Variants in TPRG1 observed in about 807,000 individuals in gnomAD.
TPRG1 encodes the protein tumor protein p63-regulated gene 1 protein.
A neutral mutation model predicts 29.3 loss-of-function variants in TPRG1; 29 were observed. That is an observed-to-expected ratio of 0.99 (90% confidence interval 0.74 to 1.35). TPRG1 has a LOEUF of 1.35. Ranked by LOEUF, TPRG1 falls within the 40% of genes most tolerant of loss-of-function variation. The pLI, the probability that TPRG1 is intolerant of heterozygous loss-of-function variation, is 0.00. For missense variants in TPRG1, 327 were observed against 335.0 expected, an observed-to-expected ratio of 0.98 and a Z score of 0.19; for synonymous variants, 130 against 116.8, an observed-to-expected ratio of 1.11 and a Z score of -0.73.
intron 4 of TPRG1, among the ~76,000 whole-genome samples, chr3:189,249,897 G>A (rs1741897943): frequency 6.6e-6 from 1 of 151,792 alleles, no homozygotes; most frequent in Admixed American, 6.6e-5. Context: ...TACTTTAATG[G>A]TTATTTATTT....
Position 189,159,644 on chromosome 3 carries a change from A to C in TPRG1, c.-10+8772A>C, listed in dbSNP as rs1225733940. 2.0e-5 allele frequency among the ~76,000 whole-genome samples: 3 copies of C among 152,288 alleles called. No homozygotes were observed. In the East Asian group the frequency reaches 5.8e-4, roughly 29 times the overall value. On this transcript the variant is annotated intron_variant, in intron 5 of 6. Coordinates refer to the TPRG1 transcript ENST00000412373. ...CAATCTGAAGTCAGCCAGGAGTCCC[A>C]AACTGGAATGATCTGATTTCAGTGG...
chr3:189,004,648 A>G (rs553715487), exon 3 of TPRG1: 3 of 152,270 alleles, frequency 2.0e-5, no homozygotes, highest in African/African-American at 7.2e-5. Flanking sequence ...AACCCTTCGC[A>G]AACCTGCTCT....
intron 3 of TPRG1, among the ~76,000 whole-genome samples, chr3:189,225,345 C>G (rs1737569162): frequency 6.6e-6 from 1 of 152,132 alleles, no homozygotes; most frequent in Non-Finnish European, 1.5e-5. Context: ...TATTTTAGAA[C>G]TTGTTTAATA....
intron 4 of TPRG1, among the ~76,000 whole-genome samples, chr3:189,287,942 A>G (rs1388676139): frequency 1.3e-5 from 2 of 152,026 alleles, no homozygotes; most frequent in Non-Finnish European, 2.9e-5. Flanking sequence ...TTATCACCCA[A>G]CTTTAAAATT....
intron 1 of TPRG1, among the ~76,000 whole-genome samples, chr3:189,186,501 A>G (rs1374338802): frequency 6.6e-6 from 1 of 152,204 alleles, no homozygotes; most frequent in East Asian, 1.9e-4. Flanking sequence ...TTAAAGACGC[A>G]ATTTTCTGCA....
At chr3:189,077,299 C>A (rs189641229) in intron 4 of TPRG1, among the ~76,000 whole-genome samples, 9 of 152,202 alleles carry the variant, frequency 5.9e-5, no homozygotes, top group East Asian at 1.9e-4. Flanking sequence ...TTACACATAA[C>A]AACGTGGATC....
At chr3:189,262,316 G>C (rs756571264) in intron 4 of TPRG1, among the ~76,000 whole-genome samples, 4 of 151,878 alleles carry the variant, frequency 2.6e-5, no homozygotes, top group Non-Finnish European at 5.9e-5. Flanking sequence ...GGTTTTTTCT[G>C]GTGTGGGAGA....
At chr3:189,207,347 T>G (rs1734551823) in intron 1 of TPRG1, 29 bp from the exon 2 acceptor site, 3 of 1,612,378 alleles carry the variant, frequency 1.9e-6, no homozygotes, top group Non-Finnish European at 2.5e-6. Flanking sequence ...TAACATTTTT[T>G]CAATGAGATT....
chr3:189,028,546 A>T (rs925435615), intron 4 of TPRG1, among the ~76,000 whole-genome samples: 1 of 152,220 alleles, frequency 6.6e-6, no homozygotes, highest in Non-Finnish European at 1.5e-5. Context: ...AACAGATAAG[A>T]AAACAAAGAA....
intron 5 of TPRG1, among the ~76,000 whole-genome samples, chr3:189,160,444 A>G (rs1475475877): frequency 1.3e-5 from 2 of 152,168 alleles, no homozygotes; most frequent in African/African-American, 4.8e-5. Flanking sequence ...GTGCTGTTGT[A>G]ATTTTCTTTA....
At chr3:189,051,600 A>C (rs1715324236) in intron 4 of TPRG1, among the ~76,000 whole-genome samples, 2 of 152,184 alleles carry the variant, frequency 1.3e-5, no homozygotes, top group Admixed American at 6.5e-5. Flanking sequence ...AAAATTCTAA[A>C]ATTTATATGG....
chr3:189,111,167 A>G (rs1270874819), intron 1 of TPRG1, among the ~76,000 whole-genome samples: 1 of 151,934 alleles, frequency 6.6e-6, no homozygotes, highest in Non-Finnish European at 1.5e-5. Context: ...AATTTGGGGG[A>G]AATTAACATA....
chr3:189,250,580 T>G (rs960104925), intron 4 of TPRG1, among the ~76,000 whole-genome samples: 3 of 144,268 alleles, frequency 2.1e-5, no homozygotes, highest in African/African-American at 7.7e-5. Context: ...TATCTTTACT[T>G]CTAACTTATT....
At chr3:189,188,893 A>G (rs559855359) in intron 1 of TPRG1, among the ~76,000 whole-genome samples, 1 of 152,352 alleles carries the variant, frequency 6.6e-6, no homozygotes, top group South Asian at 2.1e-4. Flanking sequence ...CGTACAGAAA[A>G]TAGTCTCTAT....
intron 1 of TPRG1, among the ~76,000 whole-genome samples, chr3:189,199,407 A>G (rs1220813307): frequency 6.6e-6 from 1 of 152,222 alleles, no homozygotes; most frequent in African/African-American, 2.4e-5. Context: ...AATTTAGTCC[A>G]ACAGTTTTCA....
intron 1 of TPRG1, among the ~76,000 whole-genome samples, chr3:189,197,875 C>A (rs1033771988): frequency 3.3e-5 from 5 of 152,102 alleles, no homozygotes; most frequent in Admixed American, 2.0e-4. Flanking sequence ...TGTGACAAAC[C>A]TCCCCATGAC....
At chr3:189,187,824 C>T (rs1006327675) in intron 1 of TPRG1, among the ~76,000 whole-genome samples, 6 of 152,198 alleles carry the variant, frequency 3.9e-5, no homozygotes, top group Non-Finnish European at 7.3e-5. Flanking sequence ...TGAAATGAAT[C>T]AATTTTTATC....
intron 1 of TPRG1, among the ~76,000 whole-genome samples, chr3:189,191,968 A>G (rs533511430): frequency 1.3e-5 from 2 of 152,296 alleles, no homozygotes; most frequent in Admixed American, 1.3e-4. Context: ...GAAAGACATT[A>G]TAACTGAACA....
rs558199977 is a variant in TPRG1 at position 189,042,659 on chromosome 3, C to T, written c.-463+18713C>T. On this transcript the variant is annotated intron_variant, in intron 4 of 10. Transcript: ENST00000433971. The stretch of plus-strand genomic sequence containing the variant: ...ACTGCTTCTTTATATTGTATCTCAG[C>T]TGCTTGAGGCATACTTGATGATCCC... Among the ~76,000 whole-genome samples, 3 of 152,030 alleles carry T rather than the reference C, an allele frequency of 2.0e-5. No individual in the cohort carries two copies. The East Asian group carries it at 5.8e-4, about 29-fold the overall frequency.
Sources: allele counts gnomAD v4.1 joint callset (sites outside exome capture counted in the v4.1 genomes callset), GRCh38; gene constraint gnomAD v4.1.1; transcripts MANE v1.5; gene names NCBI Gene and HGNC (gene_info 2026-07-23, HGNC 2026-07-21).